Variants in NOCT observed in about 807,000 individuals in gnomAD.
NOCT encodes the protein nocturnin.
In NOCT, 18 loss-of-function variants were observed where a neutral mutation model predicts 35.0. The ratio of observed to expected loss-of-function variants is 0.51; its 90% CI spans 0.36 to 0.76. The LOEUF is 0.76. Ranked by LOEUF, NOCT falls within the 30% of genes least tolerant of loss-of-function variation. NOCT has a pLI of 0.01. For missense variants in NOCT, 479 were observed against 541.0 expected (o/e 0.89, Z 1.14); for synonymous variants, 235 against 226.3 (o/e 1.04, Z -0.34).
At chr4:139,034,996 C>G (rs1461862438) in intron 1 of NOCT, among the ~76,000 whole-genome samples, 1 of 152,186 alleles carries the variant, frequency 6.6e-6, no homozygotes, top group African/African-American at 2.4e-5. Flanking sequence ...TGTTTGTTTC[C>G]AGTTTGTAAC....
chr4:139,022,175 T>C (rs957603346), intron 1 of NOCT, among the ~76,000 whole-genome samples: 2 of 152,228 alleles, frequency 1.3e-5, no homozygotes, highest in Non-Finnish European at 2.9e-5. Flanking sequence ...TAAACCTGTT[T>C]GGACTTCCAC....
chr4:139,017,123 G>T (rs1369393944), intron 1 of NOCT, among the ~76,000 whole-genome samples: 4 of 150,508 alleles, frequency 2.7e-5, no homozygotes, highest in Non-Finnish European at 5.9e-5. Flanking sequence ...TGCTACCTCT[G>T]TTTCTGCCTG....
At chr4:139,020,659 G>T (rs985716543) in intron 1 of NOCT, among the ~76,000 whole-genome samples, 2 of 152,096 alleles carry the variant, frequency 1.3e-5, no homozygotes, top group African/African-American at 4.8e-5. Context: ...TGCCTCAGGG[G>T]ATTCTTCCAA....
At position 139,016,126 on chromosome 4, in the gene NOCT, GC is replaced by G; in HGVS notation, c.146del (p.Ala49GlyfsTer34). On this transcript the variant is annotated frameshift_variant, in exon 1 of 3. Transcript: ENST00000280614. LOFTEE classifies it high-confidence loss of function. ...GCCCGCATCCCCCCGGCTGCTGGCGGCGGCCTCGGCGGCCTCGGGCGCCGCG... is the reference window on the plus strand; with the variant it reads ...GCCCGCATCCCCCCGGCTGCTGGCGGGGCCTCGGCGGCCTCGGGCGCCGCG... ...PRPASPRLLA[A>X]ASAASGAARS... The G allele has an allele frequency of 7.8e-7, 1 of 1,286,326 alleles. No individual in the cohort carries two copies. Among genetic ancestry groups the G allele is most frequent in the South Asian group, 2.7e-5 (1 of 37,574 alleles). 79.7% of individuals were successfully genotyped at this position (1,286,326 alleles called of 1,614,324 possible). A position where few individuals can be genotyped will look rare whatever the true frequency, so the allele number is the denominator to read the frequency against.
At chr4:139,027,846 G>A (rs1050908725) in intron 1 of NOCT, among the ~76,000 whole-genome samples, 16 of 152,088 alleles carry the variant, frequency 1.1e-4, no homozygotes, top group Admixed American at 9.2e-4. Flanking sequence ...CACATGTCAT[G>A]AAATATTACT....
chr4:139,017,678 C>G (rs1726339522), intron 1 of NOCT, among the ~76,000 whole-genome samples: 1 of 151,670 alleles, frequency 6.6e-6, no homozygotes, highest in African/African-American at 2.4e-5. Context: ...GCCTGTAATC[C>G]CAGCTACTCT....
chr4:139,019,157 G>A (rs1293537768), intron 1 of NOCT, among the ~76,000 whole-genome samples: 1 of 152,164 alleles, frequency 6.6e-6, no homozygotes, highest in Non-Finnish European at 1.5e-5. Context: ...CCAGGCTCAA[G>A]CAGTTCTCCT....
chr4:139,042,914 CAAAAAAAAAA>C (rs375909985), intron 1 of NOCT, among the ~76,000 whole-genome samples, 150 bp from the exon 2 acceptor site: 1 of 81,788 alleles, frequency 1.2e-5, no homozygotes, highest in African/African-American at 4.7e-5. Flanking sequence ...AACTCCATCT[CAAAAAAAAAA>C]AAAAAGAAAA....
intron 1 of NOCT, among the ~76,000 whole-genome samples, chr4:139,021,965 G>A (rs1318586537): frequency 1.3e-5 from 2 of 151,934 alleles, no homozygotes; most frequent in South Asian, 2.1e-4. Flanking sequence ...CACCATGTTG[G>A]TCAGGCTCCT....
At chr4:139,044,003 T>TATATATATATATATATAC (rs1405359118) in intron 2 of NOCT, 54 of 147,054 alleles carry the variant, frequency 3.7e-4, no homozygotes, top group African/African-American at 1.3e-3. Flanking sequence ...TATATATATA[T>TATATATATATATATATAC]ACACTTTGTT....
intron 1 of NOCT, among the ~76,000 whole-genome samples, chr4:139,032,879 A>T (rs949480727): frequency 2.6e-5 from 4 of 152,170 alleles, no homozygotes; most frequent in African/African-American, 9.7e-5. Context: ...AATTTTTTTT[A>T]ATGATTGATA....
chr4:139,018,386 C>T (rs1314800847), intron 1 of NOCT, among the ~76,000 whole-genome samples: 1 of 152,096 alleles, frequency 6.6e-6, no homozygotes, highest in African/African-American at 2.4e-5. Flanking sequence ...GTAATAATAT[C>T]AGGTCAGATT....
chr4:139,027,933 A>G (rs1264996263), intron 1 of NOCT, among the ~76,000 whole-genome samples: 3 of 152,154 alleles, frequency 2.0e-5, no homozygotes, highest in Non-Finnish European at 4.4e-5. Context: ...GCACAAAGAC[A>G]GGATGCTGCC....
At chr4:139,041,311 T>G (rs1726829295) in intron 1 of NOCT, among the ~76,000 whole-genome samples, 1 of 152,222 alleles carries the variant, frequency 6.6e-6, no homozygotes, top group Non-Finnish European at 1.5e-5. Context: ...GAGATGTGAT[T>G]GATAAGCCTG....
intron 1 of NOCT, among the ~76,000 whole-genome samples, chr4:139,033,544 A>G (rs1726665206): frequency 6.6e-6 from 1 of 151,658 alleles, no homozygotes; most frequent in Non-Finnish European, 1.5e-5. Context: ...GGGTGGTGGC[A>G]TATTCCCATC....
intron 1 of NOCT, among the ~76,000 whole-genome samples, chr4:139,037,592 ATG>A (rs1726757452): frequency 2.0e-5 from 3 of 152,128 alleles, no homozygotes; most frequent in Admixed American, 2.0e-4. Flanking sequence ...ATAGGAAGAT[ATG>A]TGTCTCTACT....
chr4:139,042,997 T>C (rs1726864601), intron 1 of NOCT, 77 bp from the exon 2 acceptor site: 4 of 1,342,062 alleles, frequency 3.0e-6, no homozygotes, highest in Non-Finnish European at 4.1e-6. Flanking sequence ...GGACAGTAAA[T>C]GTTTATCTTA....
In NOCT at chr4:139,044,589, G is replaced by C. The variant is rs748321163; in HGVS notation, c.461-50G>C. The C allele has an allele frequency of 2.1e-5, 25 of 1,217,548 alleles. No homozygotes were observed. In the Admixed American group the frequency reaches 4.5e-4, roughly 22 times the overall value. 75.4% of individuals were successfully genotyped at this position (1,217,548 alleles called of 1,614,324 possible). ...TGATGCCAAACCTCCTGGGTACTTT[G>C]AAGTCACGGTTTTGTAAGAGCTGAC... is the stretch of plus-strand genomic sequence containing the variant. On this transcript the variant is annotated intron_variant, in intron 2 of 2. Coordinates refer to ENST00000280614, the MANE Select transcript of NOCT (RefSeq NM_012118.4).
rs1726908005 is a variant in NOCT, at chr4:139,045,109, A to G, written c.931A>G (p.Ile311Val). The change falls in exon 3 of 3, where the codon ATC (isoleucine) becomes GTC (valine). Residue 311 changes from isoleucine (I) to valine (V), a missense_variant. By Grantham distance (29) the Ile-to-Val change is conservative (BLOSUM62 3). Transcript: ENST00000280614. ...GCDLLQNLQN[I>V]TQGAKIPLIV... ...TGACCTCCTTCAGAACCTGCAAAAC[A>G]TCACCCAAGGAGCCAAGATTCCCCT... is the stretch of plus-strand genomic sequence containing the variant. The G allele has an allele frequency of 2.5e-6, 4 of 1,614,028 alleles. No individual in the cohort carries two copies. The Admixed American group carries it at 5.0e-5, about 20-fold the overall frequency.
Sources: gnomAD v4.1 joint callset for allele counts (sites outside exome capture counted in the v4.1 genomes callset) on GRCh38, gnomAD v4.1.1 for gene constraint, MANE v1.5 for transcripts, NCBI Gene and HGNC (gene_info 2026-07-23, HGNC 2026-07-21) for gene names.